Variants in CCDC60 observed in about 807,000 individuals in gnomAD.
CCDC60 encodes the protein coiled-coil domain containing 60.
Under a neutral mutation model 63.5 loss-of-function variants are expected in CCDC60, and 54 were observed. The ratio of observed to expected loss-of-function variants is 0.85; its 90% CI spans 0.68 to 1.07. CCDC60 has a LOEUF of 1.07. Among genes scored for constraint, CCDC60 ranks in the 50% least tolerant of loss-of-function variants. The pLI, the probability that CCDC60 is intolerant of heterozygous loss-of-function variation, is 0.00. For synonymous variants in CCDC60, 206 were observed against 238.8 expected (o/e 0.86, Z 1.27); for missense variants, 651 against 684.3 (o/e 0.95, Z 0.54).
intron 1 of CCDC60, among the ~76,000 whole-genome samples, chr12:119,387,563 G>A (rs556968907): frequency 6.6e-6 from 1 of 152,238 alleles, no homozygotes; most frequent in Admixed American, 6.5e-5. Flanking sequence ...TGTATATGAT[G>A]TGATTCCTCC....
At chr12:119,345,621 G>C (rs1430567016) in intron 1 of CCDC60, among the ~76,000 whole-genome samples, 1 of 152,110 alleles carries the variant, frequency 6.6e-6, no homozygotes, top group African/African-American at 2.4e-5. Context: ...AGTTTAGATG[G>C]GACATAGAAA....
At chr12:119,403,666 C>A (rs1046322892) in intron 1 of CCDC60, among the ~76,000 whole-genome samples, 1 of 151,982 alleles carries the variant, frequency 6.6e-6, no homozygotes, top group Non-Finnish European at 1.5e-5. Flanking sequence ...ATGACTGGCC[C>A]TTTCTACCGC....
chr12:119,371,066 A>C (rs1325540923), intron 1 of CCDC60, among the ~76,000 whole-genome samples: 1 of 152,112 alleles, frequency 6.6e-6, no homozygotes, highest in Non-Finnish European at 1.5e-5. Flanking sequence ...GTAGCTTTTT[A>C]ATCACCCTGG....
chr12:119,463,551 T>C (rs1240939871), intron 2 of CCDC60, among the ~76,000 whole-genome samples: 1 of 152,194 alleles, frequency 6.6e-6, no homozygotes, highest in Non-Finnish European at 1.5e-5. Flanking sequence ...TGAGGACAAA[T>C]ACATTAACAC....
At chr12:119,451,017 C>T (rs1950625177) in intron 2 of CCDC60, among the ~76,000 whole-genome samples, 1 of 152,012 alleles carries the variant, frequency 6.6e-6, no homozygotes, top group Non-Finnish European at 1.5e-5. Context: ...GAGGGAGTGG[C>T]CCTTGTGCAG....
At chr12:119,368,551 A>G (rs1342722888) in intron 1 of CCDC60, among the ~76,000 whole-genome samples, 1 of 152,128 alleles carries the variant, frequency 6.6e-6, no homozygotes, top group Non-Finnish European at 1.5e-5. Flanking sequence ...ATAAAGAATT[A>G]CGCCTTCCGA....
At position 119,540,636 on chromosome 12, in the gene CCDC60, A is replaced by G; in HGVS notation, c.1574A>G (p.His525Arg). 6.2e-7 allele frequency: 1 copy of G among 1,613,948 alleles called. No individual in the cohort carries two copies. The highest frequency in any genetic ancestry group is 8.5e-7 in the Non-Finnish European group (1 of 1,179,950). Residue 525 changes from histidine (H) to arginine (R), a missense_variant, in exon 14 of 14, where the codon CAT becomes CGT. Physicochemically the swap from His to Arg is conservative, Grantham distance 29. Transcript: ENST00000327554. Reference protein sequence around the residue: ...AIEFVREHIIHMPQEDYISWL... With the variant: ...AIEFVREHIIRMPQEDYISWL... Reference sequence around the variant, plus strand: ...CAGTTTGTGCGAGAACACATCATCCATATGCCTCAAGAGGATTACATCAGC... The same window carrying G: ...CAGTTTGTGCGAGAACACATCATCCGTATGCCTCAAGAGGATTACATCAGC...
chr12:119,497,079 G>A (rs1466785993), intron 5 of CCDC60, among the ~76,000 whole-genome samples: 3 of 152,154 alleles, frequency 2.0e-5, no homozygotes, highest in Non-Finnish European at 4.4e-5. Flanking sequence ...GCAGAAAAAG[G>A]AATCCGATGA....
At chr12:119,419,869 C>CTTTTT (rs1206831493) in intron 1 of CCDC60, among the ~76,000 whole-genome samples, 1 of 106,504 alleles carries the variant, frequency 9.4e-6, no homozygotes, top group African/African-American at 3.7e-5. Flanking sequence ...TTAAATAATT[C>CTTTTT]TTTTTTTTTT....
Position 119,360,251 on chromosome 12 carries a change from G to A in CCDC60, c.90+24985G>A, listed in dbSNP as rs1397573925. On this transcript the variant is annotated intron_variant, in intron 1 of 13. Transcript: ENST00000327554. ...CCAGTAGGGGCGGCCGGGCAGAGGC[G>A]CCCCTCACCTCCCGGACGGGGCGGC... Among the ~76,000 whole-genome samples, 16 of 145,880 alleles carry A rather than the reference G, an allele frequency of 1.1e-4. 1 individual carries two copies. The highest frequency in any genetic ancestry group is 8.9e-4 in the South Asian group (4 of 4,486).
chr12:119,381,667 CA>C (rs779414351), intron 1 of CCDC60, among the ~76,000 whole-genome samples: 1 of 152,134 alleles, frequency 6.6e-6, no homozygotes, highest in African/African-American at 2.4e-5. Flanking sequence ...ATGACAACCC[CA>C]GTGGCACCTG....
chr12:119,371,978 C>T (rs776485916), intron 1 of CCDC60, among the ~76,000 whole-genome samples: 7 of 151,680 alleles, frequency 4.6e-5, no homozygotes, highest in Non-Finnish European at 1.0e-4. Flanking sequence ...TGATCTTAGG[C>T]CGGACGCAGT....
At chr12:119,487,581 G>GCCA (rs569256075) in intron 4 of CCDC60, among the ~76,000 whole-genome samples, 127 of 152,104 alleles carry the variant, frequency 8.3e-4, no homozygotes, top group African/African-American at 3.0e-3. Flanking sequence ...ACAAGAGTGA[G>GCCA]CCACCGTGCC....
intron 3 of CCDC60, among the ~76,000 whole-genome samples, chr12:119,477,497 C>T (rs536734683): frequency 2.1e-4 from 32 of 152,196 alleles, no homozygotes; most frequent in African/African-American, 7.7e-4. Flanking sequence ...GACTCAGCTT[C>T]GGAAGAGGAG....
chr12:119,535,161 G>A (rs948471389), intron 13 of CCDC60, among the ~76,000 whole-genome samples: 2 of 152,118 alleles, frequency 1.3e-5, no homozygotes. Flanking sequence ...ATGTGTCCAG[G>A]AATTTATCCA....
intron 1 of CCDC60, among the ~76,000 whole-genome samples, chr12:119,339,867 G>A (rs1471970536): frequency 3.3e-5 from 5 of 152,080 alleles, no homozygotes; most frequent in South Asian, 2.1e-4. Context: ...TCCAGCTGGG[G>A]TGTCAGAGCG....
chr12:119,462,876 T>G (rs1036625008), intron 2 of CCDC60, among the ~76,000 whole-genome samples: 1 of 152,096 alleles, frequency 6.6e-6, no homozygotes, highest in African/African-American at 2.4e-5. Flanking sequence ...CAGGCTGTAG[T>G]GCAGTGATGC....
chr12:119,417,726 C>A (rs1328557220), intron 1 of CCDC60, among the ~76,000 whole-genome samples: 1 of 152,128 alleles, frequency 6.6e-6, no homozygotes. Context: ...CCAAAACAAA[C>A]AAATCAACCA....
chr12:119,349,210 G>A (rs772579016), intron 1 of CCDC60, among the ~76,000 whole-genome samples: 6 of 152,072 alleles, frequency 3.9e-5, no homozygotes, highest in Non-Finnish European at 8.8e-5. Flanking sequence ...CTCAAAAGAA[G>A]AGCAGAAGGA....
Sources: allele counts gnomAD v4.1 joint callset (sites outside exome capture counted in the v4.1 genomes callset), GRCh38; gene constraint gnomAD v4.1.1; transcripts MANE v1.5; gene names NCBI Gene and HGNC (gene_info 2026-07-23, HGNC 2026-07-21).